ZMYM4: variants seen among roughly 807,000 people sequenced by gnomAD.
ZMYM4 encodes the protein zinc finger MYM-type protein 4.
Under a neutral mutation model 183.2 loss-of-function variants are expected in ZMYM4, and 31 were observed. The observed-to-expected ratio is 0.17, with a 90% CI of 0.13 to 0.23. The LOEUF (loss-of-function observed/expected upper bound fraction) is 0.23, where lower values mean the gene tolerates loss of function less well. ZMYM4 is among the 10% of genes least tolerant of loss of function. The probability of loss-of-function intolerance (pLI) is 1.00; values close to 1 mark genes in which losing one functional copy is unlikely to be tolerated. For synonymous variants in ZMYM4, 592 were observed against 631.2 expected (o/e 0.94, Z 0.93); for missense variants, 1,273 against 1,840.3 (o/e 0.69, Z 5.64).
chr1:35,352,252 AGCGC>A (rs1179869286), intron 2 of ZMYM4, among the ~76,000 whole-genome samples: 14 of 136,824 alleles, frequency 1.0e-4, no homozygotes, highest in Non-Finnish European at 1.7e-4. Context: ...TTTAAAAATT[AGCGC>A]GCACGCGCGC....
intron 2 of ZMYM4, among the ~76,000 whole-genome samples, chr1:35,339,190 C>G (rs112702142): frequency 1.1e-3 from 161 of 152,124 alleles, no homozygotes; most frequent in Non-Finnish European, 2.0e-3. Context: ...TGTCATTATT[C>G]CCTAAACAAT....
At position 35,388,992 on chromosome 1, in the gene ZMYM4, T is replaced by C. The variant is rs775955703; in HGVS notation, c.2346T>C (p.Ser782=). The C allele has an allele frequency of 5.6e-6, 9 of 1,614,138 alleles. 1 individual carries two copies. The South Asian group carries it at 8.8e-5, about 16-fold the overall frequency. The change falls in exon 14 of 30, where the codon TCT becomes TCC. Residue 782 remains serine (S), a synonymous_variant. Transcript: ENST00000314607. ...CKMCSYCLQT[S]PKLVQNNLGG... The stretch of plus-strand genomic sequence containing the variant: ...TGTGCAGTTATTGTTTACAGACATC[T>C]CCCAAATTGGTACAGAATAATTTAG...
At chr1:35,271,465 C>T (rs1639601903) in intron 1 of ZMYM4, among the ~76,000 whole-genome samples, 1 of 152,068 alleles carries the variant, frequency 6.6e-6, no homozygotes, top group Non-Finnish European at 1.5e-5. Context: ...TGCGGTGGCG[C>T]AATCTCGGCT....
rs576499031 is a variant in ZMYM4, at chr1:35,306,116, C to T, written c.40-19244C>T. Among the ~76,000 whole-genome samples the T allele has an allele frequency of 2.2e-4, 33 of 152,086 alleles. No homozygotes were observed. In the East Asian group the frequency reaches 6.0e-3, roughly 28 times the overall value. On this transcript the variant is annotated intron_variant, in intron 1 of 29. Coordinates refer to ENST00000314607, the MANE Select transcript of ZMYM4 (RefSeq NM_005095.3). ...TTGTGTCTTATTGATGCCATTTGTT[C>T]TTTATTCTCGCCTTATTGTAGGTAG...
chr1:35,363,016 C>A (rs1461991862), intron 5 of ZMYM4, among the ~76,000 whole-genome samples: 1 of 152,142 alleles, frequency 6.6e-6, no homozygotes, highest in Non-Finnish European at 1.5e-5. Flanking sequence ...ACTAAAAATA[C>A]AAAAAATTAG....
At chr1:35,384,884 G>A (rs1000285401) in intron 9 of ZMYM4, among the ~76,000 whole-genome samples, 4 of 131,550 alleles carry the variant, frequency 3.0e-5, no homozygotes, top group Non-Finnish European at 4.6e-5. Flanking sequence ...TCATTCTGTC[G>A]CCAGGCTGGA....
At position 35,268,861 on chromosome 1, in the gene ZMYM4, G is replaced by A. The variant is rs1183934917; in HGVS notation, c.-186G>A. 1.9e-6 allele frequency: 1 copy of A among 534,656 alleles called. No homozygotes were observed. The highest frequency in any genetic ancestry group is 2.0e-5 in the African/African-American group (1 of 50,070). The allele number at this position is 534,656 out of a possible 1,614,324, so 33.1% of individuals were successfully genotyped here. A position where few individuals can be genotyped will look rare whatever the true frequency, so the allele number is the denominator to read the frequency against. On this transcript the variant is annotated 5_prime_UTR_variant, in exon 1 of 30. Transcript: ENST00000314607. ...CCCTCCCGCCCACGCGCGGACCCGTGGGATCTCAGAAGCTGCGGCCCGGCG... is the reference window on the plus strand; with the variant it reads ...CCCTCCCGCCCACGCGCGGACCCGTAGGATCTCAGAAGCTGCGGCCCGGCG...
chr1:35,360,555 T>C (rs1416184667), intron 3 of ZMYM4, among the ~76,000 whole-genome samples: 1 of 152,104 alleles, frequency 6.6e-6, no homozygotes, highest in African/African-American at 2.4e-5. Context: ...ATATTTCCAA[T>C]ATCCCTTCTT....
At chr1:35,361,820 T>G (rs1302909377) in intron 5 of ZMYM4, 31 bp downstream of exon 5, 15 of 1,588,666 alleles carry the variant, frequency 9.4e-6, no homozygotes, top group Non-Finnish European at 8.5e-7. Context: ...CCCCCCTTCT[T>G]TTTGTTCCAC....
At chr1:35,279,835 G>T (rs1640057313) in intron 1 of ZMYM4, among the ~76,000 whole-genome samples, 1 of 152,158 alleles carries the variant, frequency 6.6e-6, no homozygotes, top group African/African-American at 2.4e-5. Context: ...TTCTGAGACA[G>T]CAACAGAAGC....
chr1:35,414,205 T>A (rs962388282), intron 27 of ZMYM4, 122 bp downstream of exon 27: 1 of 646,694 alleles, frequency 1.5e-6, no homozygotes, highest in African/African-American at 1.9e-5. Flanking sequence ...ATATTTGGAC[T>A]TCTGAGGAGA....
At chr1:35,395,164 A>T (rs1456187104) in intron 18 of ZMYM4, among the ~76,000 whole-genome samples, 1 of 150,588 alleles carries the variant, frequency 6.6e-6, no homozygotes, top group African/African-American at 2.4e-5. Flanking sequence ...TTCATGGACC[A>T]CACCAAAATA....
intron 1 of ZMYM4, among the ~76,000 whole-genome samples, chr1:35,317,141 A>G (rs1642081927): frequency 7.5e-6 from 1 of 132,732 alleles, no homozygotes. Flanking sequence ...AAAAAAAGTT[A>G]AAGTGCTTCA....
intron 2 of ZMYM4, among the ~76,000 whole-genome samples, chr1:35,339,338 A>G (rs1430784947): frequency 2.0e-5 from 3 of 151,938 alleles, no homozygotes; most frequent in Admixed American, 1.3e-4. Flanking sequence ...GGGTTCAAGC[A>G]GTTCTCCTGC....
intron 1 of ZMYM4, among the ~76,000 whole-genome samples, chr1:35,273,425 T>C (rs1639715526): frequency 6.6e-6 from 1 of 152,238 alleles, no homozygotes; most frequent in African/African-American, 2.4e-5. Flanking sequence ...GCTATTATAA[T>C]AACCAGTATG....
At chr1:35,320,340 C>T (rs541062297) in intron 1 of ZMYM4, among the ~76,000 whole-genome samples, 2 of 152,288 alleles carry the variant, frequency 1.3e-5, no homozygotes, top group African/African-American at 4.8e-5. Context: ...CAGAAAACTT[C>T]CGGATTGCTG....
intron 2 of ZMYM4, among the ~76,000 whole-genome samples, chr1:35,345,763 A>G (rs1362997434): frequency 6.6e-6 from 1 of 152,158 alleles, no homozygotes; most frequent in African/African-American, 2.4e-5. Context: ...ATTACTTCTT[A>G]AAAAACATCT....
chr1:35,294,866 T>C (rs1640930044), intron 1 of ZMYM4, among the ~76,000 whole-genome samples: 1 of 152,238 alleles, frequency 6.6e-6, no homozygotes, highest in Admixed American at 6.5e-5. Context: ...TAAATGTCTT[T>C]GAAATATCAG....
At chr1:35,391,058 A>G (rs1007687123) in intron 15 of ZMYM4, among the ~76,000 whole-genome samples, 1 of 152,172 alleles carries the variant, frequency 6.6e-6, no homozygotes, top group Non-Finnish European at 1.5e-5. Context: ...AAATAAAACT[A>G]TATGTCGTGG....
Sources: gnomAD v4.1 joint callset for allele counts (sites outside exome capture counted in the v4.1 genomes callset) on GRCh38, gnomAD v4.1.1 for gene constraint, MANE v1.5 for transcripts, NCBI Gene and HGNC (gene_info 2026-07-23, HGNC 2026-07-21) for gene names.